BCAS3: variants seen among roughly 807,000 people sequenced by gnomAD.
BCAS3 encodes the protein BCAS4/BCAS3 fusion.
A neutral mutation model predicts 116.1 loss-of-function variants in BCAS3; 53 were observed. The ratio of observed to expected loss-of-function variants is 0.46; its 90% CI spans 0.37 to 0.57. The LOEUF is 0.57. Among genes scored for constraint, BCAS3 ranks in the 20% least tolerant of loss-of-function variants. BCAS3 has a pLI of 0.00. For synonymous variants in BCAS3, 391 were observed against 408.2 expected, an observed-to-expected ratio of 0.96 and a Z score of 0.51; for missense variants, 917 against 1,165.4, an observed-to-expected ratio of 0.79 and a Z score of 3.10.
chr17:61,247,962 G>C (rs2048104058), intron 22 of BCAS3, among the ~76,000 whole-genome samples: 2 of 152,204 alleles, frequency 1.3e-5, no homozygotes, highest in Non-Finnish European at 2.9e-5. Context: ...TTGCGGCATT[G>C]AAAGGCTGTC....
At position 61,279,744 on chromosome 17, in the gene BCAS3, G is replaced by A. The variant is rs187823357; in HGVS notation, c.2426-88583G>A. ...TGGGCTAAGCCACTGGGCCTCCATG[G>A]TGAGGTGGCACTGGTCCCTCTGCTT... On this transcript the variant is annotated intron_variant, in intron 22 of 23. Transcript: ENST00000407086. The surrounding 1 kb of genome is among the most constrained non-coding windows in gnomAD (Gnocchi z 4.4). 6.6e-6 allele frequency among the ~76,000 whole-genome samples: 1 copy of A among 151,602 alleles called. No homozygotes were observed. The highest frequency in any genetic ancestry group is 6.6e-5 in the Admixed American group (1 of 15,234).
intron 22 of BCAS3, chr17:61,357,039 T>C (rs1242459626): frequency 6.6e-6 from 1 of 151,786 alleles, no homozygotes; most frequent in African/African-American, 2.4e-5. Context: ...GCATGAGTGC[T>C]TCTCCCAGGA....
intron 9 of BCAS3, among the ~76,000 whole-genome samples, chr17:60,879,422 A>C (rs2055910638): frequency 6.6e-6 from 1 of 152,218 alleles, no homozygotes; most frequent in African/African-American, 2.4e-5. Flanking sequence ...GGTGGAAGGA[A>C]CAGGTAAAGA....
rs2055768986 is a variant in BCAS3 at position 61,326,822 on chromosome 17, C to T, written c.2426-41505C>T. On this transcript the variant is annotated intron_variant, in intron 22 of 23. Transcript: ENST00000407086. The surrounding 1 kb of genome is among the most constrained non-coding windows in gnomAD (Gnocchi z 5.3). Reference sequence around the variant, plus strand: ...GAAGAGGTGTTTGGTCTAGGGGTTTCCTTAGGAAAGAATGGGGAGAGAAGA... The same window carrying T: ...GAAGAGGTGTTTGGTCTAGGGGTTTTCTTAGGAAAGAATGGGGAGAGAAGA... 5.9e-5 allele frequency among the ~76,000 whole-genome samples: 9 copies of T among 151,798 alleles called. No individual in the cohort carries two copies.
intron 4 of BCAS3, among the ~76,000 whole-genome samples, chr17:60,695,333 T>G (rs2035453219): frequency 1.3e-5 from 2 of 152,148 alleles, no homozygotes; most frequent in Admixed American, 1.3e-4. Flanking sequence ...TTGGCCAGGA[T>G]GGTCTCTTGA....
At chr17:60,798,852 G>C (rs2047446557) in intron 6 of BCAS3, among the ~76,000 whole-genome samples, 1 of 152,218 alleles carries the variant, frequency 6.6e-6, no homozygotes, top group East Asian at 1.9e-4. Flanking sequence ...GGTGTTGTCA[G>C]TGTTCTGGAA....
intron 22 of BCAS3, among the ~76,000 whole-genome samples, chr17:61,115,155 A>T (rs1284600313): frequency 5.3e-5 from 8 of 151,994 alleles, no homozygotes; most frequent in Admixed American, 1.3e-4. Context: ...AAACCTAGGC[A>T]TTACCATTCA....
At position 61,015,748 on chromosome 17, in the gene BCAS3, T is replaced by C; in HGVS notation, c.1487-3T>C. 6.2e-7 allele frequency: 1 copy of C among 1,613,848 alleles called. No homozygotes were observed. The highest frequency in any genetic ancestry group is 8.5e-7 in the Non-Finnish European group (1 of 1,179,812). Reference sequence around the variant, plus strand: ...ATGCTTTTCTTTATTTTTCTCTTTGTAGGGAAACTGAACAGCCAAGACTCC... The same window carrying C: ...ATGCTTTTCTTTATTTTTCTCTTTGCAGGGAAACTGAACAGCCAAGACTCC... On this transcript the variant is annotated splice_polypyrimidine_tract_variant and splice_region_variant and intron_variant, in intron 15 of 23. Coordinates refer to ENST00000407086, the MANE Select transcript of BCAS3 (RefSeq NM_017679.5).
At chr17:60,721,197 G>A (rs2039201957) in intron 5 of BCAS3, among the ~76,000 whole-genome samples, 1 of 152,026 alleles carries the variant, frequency 6.6e-6, no homozygotes, top group Non-Finnish European at 1.5e-5. Flanking sequence ...AGTGATTTGG[G>A]TACACTGGCA....
At chr17:61,116,290 TATG>T (rs1465324610) in intron 22 of BCAS3, among the ~76,000 whole-genome samples, 2 of 151,570 alleles carry the variant, frequency 1.3e-5, no homozygotes, top group African/African-American at 4.8e-5. Flanking sequence ...AAATAAAAAT[TATG>T]ATCCTTTATG....
At chr17:61,345,567 G>A (rs1328478569) in intron 22 of BCAS3, among the ~76,000 whole-genome samples, 1 of 152,180 alleles carries the variant, frequency 6.6e-6, no homozygotes, top group East Asian at 1.9e-4. Context: ...GCGCCTAGCT[G>A]TTAAATTTGT....
rs571961118 is a variant in BCAS3, at chr17:61,310,137, C to CT, written c.2426-58188dup. On this transcript the variant is annotated intron_variant, in intron 22 of 23. Transcript: ENST00000407086. ...TGGGTGAATGAATCAAAGGCGATCC[C>CT]TTCTTTCTCCCTGCTTCCATCTTTC... Among the ~76,000 whole-genome samples, 504 of 152,300 alleles carry CT rather than the reference C, an allele frequency of 3.3e-3. 2 individuals are homozygous for CT. Among genetic ancestry groups the CT allele is most frequent in the African/African-American group, 0.012 (478 of 41,546 alleles).
At chr17:60,778,806 G>A (rs984112251) in intron 6 of BCAS3, among the ~76,000 whole-genome samples, 1 of 152,160 alleles carries the variant, frequency 6.6e-6, no homozygotes, top group African/African-American at 2.4e-5. Context: ...GTTTGACCCT[G>A]TAGTAGTATT....
chr17:60,701,903 G>GGT (rs138678531), intron 4 of BCAS3, among the ~76,000 whole-genome samples: 10,594 of 152,048 alleles, frequency 0.07, 1,230 homozygotes, highest in African/African-American at 0.24. Context: ...GAGCCCAGGA[G>GGT]GTGGAGGTTG....
chr17:61,368,463 A>T lies in BCAS3; in HGVS notation c.2562A>T (p.Ser854=), dbSNP rs767891912. 11 of 1,610,060 alleles carry T rather than the reference A, an allele frequency of 6.8e-6. No homozygotes were observed. The East Asian group carries it at 2.2e-4, about 33-fold the overall frequency. The change falls in exon 23 of 24, where the codon TCA becomes TCT. Residue 854 remains serine, a synonymous_variant. Transcript: ENST00000407086. This position sits in a 1 kb window ranked among gnomAD's most constrained non-coding sequence, Gnocchi z 6.0. ...GACTTGCCGACGCCATGGCCGAGTC[A>T]CCTAGCCGGGACGTCGTGGGATCCG... ...RERLADAMAE[S]PSRDVVGSGT... is the part of the protein sequence containing the mutation.
chr17:61,133,736 A>G lies in BCAS3; in HGVS notation c.2425+49172A>G, dbSNP rs1367518139. On this transcript the variant is annotated intron_variant, in intron 22 of 23. Coordinates refer to ENST00000407086, the MANE Select transcript of BCAS3 (RefSeq NM_017679.5). ...AATCTTTCTTTGAGGATCTGGGAAC[A>G]CATCAGAAAAACCAGATAGAAAAGA... Among the ~76,000 whole-genome samples, 3 of 152,034 alleles carry G rather than the reference A, an allele frequency of 2.0e-5. No homozygotes were observed. The East Asian group carries it at 5.8e-4, about 29-fold the overall frequency.
chr17:60,887,002 A>T (rs1464729807), intron 9 of BCAS3: 1 of 157,084 alleles, frequency 6.4e-6, no homozygotes, highest in Non-Finnish European at 1.4e-5. Flanking sequence ...TGCTTTGTTT[A>T]CCTAAGCAAG....
At chr17:60,807,875 C>A in intron 6 of BCAS3, 129 bp from the exon 7 acceptor site, 5 of 547,454 alleles carry the variant, frequency 9.1e-6, no homozygotes, top group East Asian at 3.3e-5. Context: ...TCTTTTTATT[C>A]AATTGTATAA....
At chr17:60,748,169 GC>G (rs1246170842) in intron 6 of BCAS3, among the ~76,000 whole-genome samples, 1 of 152,124 alleles carries the variant, frequency 6.6e-6, no homozygotes, top group Non-Finnish European at 1.5e-5. Context: ...TCTTGTAGCA[GC>G]TAATCCTCTA....
Sources: allele counts gnomAD v4.1 joint callset (sites outside exome capture counted in the v4.1 genomes callset), GRCh38; gene constraint gnomAD v4.1.1; non-coding constraint Gnocchi (gnomAD v3.1); transcripts MANE v1.5; gene names NCBI Gene and HGNC (gene_info 2026-07-23, HGNC 2026-07-21).